LRMDA: variants seen among roughly 807,000 people sequenced by gnomAD.
The protein encoded by LRMDA is leucine-rich melanocyte differentiation-associated protein.
A neutral mutation model predicts 29.8 loss-of-function variants in LRMDA; 18 were observed. The observed-to-expected ratio is 0.60, with a 90% confidence interval of 0.42 to 0.90. The LOEUF (loss-of-function observed/expected upper bound fraction) is 0.90, where lower values mean the gene tolerates loss of function less well. LRMDA is among the 40% of genes least tolerant of loss of function. LRMDA has a pLI of 0.00. For missense variants in LRMDA, 273 were observed against 273.9 expected, an observed-to-expected ratio of 1.00 and a Z score of 0.02; for synonymous variants, 125 against 109.4, an observed-to-expected ratio of 1.14 and a Z score of -0.89.
chr10:75,815,437 C>T (rs1447781738), intron 2 of LRMDA, among the ~76,000 whole-genome samples: 1 of 152,156 alleles, frequency 6.6e-6, no homozygotes, highest in Non-Finnish European at 1.5e-5. Flanking sequence ...CTTTTGTGTA[C>T]ATGGGAGAAT....
intron 2 of LRMDA, among the ~76,000 whole-genome samples, chr10:75,722,056 G>T (rs1310390134): frequency 6.6e-6 from 1 of 152,080 alleles, no homozygotes; most frequent in African/African-American, 2.4e-5. Flanking sequence ...CCAAATCCCA[G>T]GTTCCTAATA....
At chr10:75,486,647 G>T (rs148202379) in intron 2 of LRMDA, among the ~76,000 whole-genome samples, 16 of 152,002 alleles carry the variant, frequency 1.1e-4, no homozygotes, top group Admixed American at 5.2e-4. Context: ...TTCTGGTCTG[G>T]GGGGGGCAAC....
At chr10:76,396,573 G>A (rs1841786638) in intron 6 of LRMDA, 1 of 152,206 alleles carries the variant, frequency 6.6e-6, no homozygotes, top group Admixed American at 6.5e-5. Flanking sequence ...AGATGTCAGT[G>A]ACCTGGAAAG....
At chr10:75,884,545 C>G (rs1030099707) in intron 2 of LRMDA, among the ~76,000 whole-genome samples, 14 of 152,150 alleles carry the variant, frequency 9.2e-5, no homozygotes, top group Non-Finnish European at 1.8e-4. Flanking sequence ...ACTAAGATGA[C>G]TTGGAGCCAA....
chr10:75,440,644 G>A (rs1359327176), intron 2 of LRMDA, among the ~76,000 whole-genome samples: 3 of 152,134 alleles, frequency 2.0e-5, no homozygotes, highest in African/African-American at 2.4e-5. Flanking sequence ...GGTGTTAGAA[G>A]AAGATTCGAG....
intron 6 of LRMDA, among the ~76,000 whole-genome samples, chr10:76,538,962 G>A (rs1291559935): frequency 6.6e-6 from 1 of 151,974 alleles, no homozygotes; most frequent in Non-Finnish European, 1.5e-5. Context: ...GTGGGAGTGA[G>A]TAGCAATGAT....
In LRMDA at chr10:75,569,107, G is replaced by A. The variant is rs370782482; in HGVS notation, c.131+130613G>A. 2.0e-5 allele frequency among the ~76,000 whole-genome samples: 3 copies of A among 152,092 alleles called. No individual in the cohort carries two copies. In the East Asian group the frequency reaches 5.8e-4, roughly 29 times the overall value. ...CTTGAGGGCACGTCTCTTCTCTGTGGGGCCTCTCCTGGCATATGCCCACAA... is the reference window on the plus strand; with the variant it reads ...CTTGAGGGCACGTCTCTTCTCTGTGAGGCCTCTCCTGGCATATGCCCACAA... On this transcript the variant is annotated intron_variant, in intron 2 of 6. Transcript: ENST00000611255.
chr10:75,563,322 T>C (rs1261489219), intron 2 of LRMDA, among the ~76,000 whole-genome samples: 1 of 152,158 alleles, frequency 6.6e-6, no homozygotes, highest in Non-Finnish European at 1.5e-5. Flanking sequence ...TTGATTGCAT[T>C]GGCTCCTGAG....
intron 2 of LRMDA, among the ~76,000 whole-genome samples, chr10:75,501,372 G>C (rs904845638): frequency 1.3e-5 from 2 of 152,232 alleles, no homozygotes; most frequent in African/African-American, 2.4e-5. Flanking sequence ...CACTTTCCTG[G>C]TGTGTGTTTA....
At position 76,190,970 on chromosome 10, in the gene LRMDA, G is replaced by A. The variant is rs558099718; in HGVS notation, c.516+132187G>A. On this transcript the variant is annotated intron_variant, in intron 5 of 6. Transcript: ENST00000611255. The stretch of plus-strand genomic sequence containing the variant: ...TTTGGTGAACACATAATTGTTGTAT[G>A]TAACCCCGAGCGGCTTTGCTCTTTC... 1.6e-3 allele frequency among the ~76,000 whole-genome samples: 250 copies of A among 152,296 alleles called. 1 individual carries two copies. The Middle Eastern group carries it at 0.02, about 12-fold the overall frequency.
intron 2 of LRMDA, among the ~76,000 whole-genome samples, chr10:75,439,697 G>C (rs909226532): frequency 1.3e-5 from 2 of 152,186 alleles, no homozygotes; most frequent in African/African-American, 4.8e-5. Flanking sequence ...TACTCCCAAA[G>C]GGTTTGTGTG....
intron 2 of LRMDA, among the ~76,000 whole-genome samples, chr10:75,593,901 T>G (rs1742750542): frequency 6.6e-6 from 1 of 152,174 alleles, no homozygotes; most frequent in South Asian, 2.1e-4. Flanking sequence ...ACCCTTGACT[T>G]TTCCCGTAAA....
intron 6 of LRMDA, among the ~76,000 whole-genome samples, chr10:76,385,378 G>A (rs977750299): frequency 7.2e-5 from 11 of 152,280 alleles, no homozygotes; most frequent in South Asian, 6.2e-4. Context: ...TGTTCATAGC[G>A]TTGTTTACAG....
At chr10:76,259,895 C>T (rs1387301761) in intron 5 of LRMDA, among the ~76,000 whole-genome samples, 2 of 152,030 alleles carry the variant, frequency 1.3e-5, no homozygotes, top group African/African-American at 4.8e-5. Context: ...AGTGTAGCTA[C>T]TTATGCTTGC....
At chr10:75,935,107 T>G (rs1474193333) in intron 2 of LRMDA, among the ~76,000 whole-genome samples, 1 of 152,108 alleles carries the variant, frequency 6.6e-6, no homozygotes, top group Non-Finnish European at 1.5e-5. Context: ...ACAAGAATCC[T>G]TTTTCTTTCC....
chr10:76,232,738 G>A lies in LRMDA; in HGVS notation c.517-91663G>A, dbSNP rs182757112. ...AAATAAGGATGTACTGACAATGGAAGAGTGAGCCAGATGGGGAGTTTTATT... is the reference window on the plus strand; with the variant it reads ...AAATAAGGATGTACTGACAATGGAAAAGTGAGCCAGATGGGGAGTTTTATT... On this transcript the variant is annotated intron_variant, in intron 5 of 6. Transcript: ENST00000611255. 1.2e-3 allele frequency among the ~76,000 whole-genome samples: 188 copies of A among 152,304 alleles called. 1 individual carries two copies. Among genetic ancestry groups the A allele is most frequent in the African/African-American group, 4.0e-3 (168 of 41,570 alleles).
chr10:76,316,660 A>G (rs1840703399), intron 5 of LRMDA, among the ~76,000 whole-genome samples: 1 of 152,226 alleles, frequency 6.6e-6, no homozygotes, highest in Non-Finnish European at 1.5e-5. Flanking sequence ...TGTTTATAAA[A>G]TGCCTGCATA....
At position 76,408,071 on chromosome 10, in the gene LRMDA, C is replaced by CT. The variant is rs575102468; in HGVS notation, c.601+83591dup. Among the ~76,000 whole-genome samples, 20 of 152,294 alleles carry CT rather than the reference C, an allele frequency of 1.3e-4. No individual in the cohort carries two copies. In the East Asian group the frequency reaches 3.9e-3, roughly 29 times the overall value. On this transcript the variant is annotated intron_variant, in intron 6 of 6. Transcript: ENST00000611255. ...GTGTTATCTCAACTAACACTTACTG[C>CT]TTTTTATTATATTCAGCACCTGTAA...
chr10:75,897,526 A>T (rs1342464540), intron 2 of LRMDA, among the ~76,000 whole-genome samples: 1 of 152,172 alleles, frequency 6.6e-6, no homozygotes, highest in Non-Finnish European at 1.5e-5. Context: ...TCTTACCTCT[A>T]CCGAACCTTA....
Sources: allele counts gnomAD v4.1 joint callset (sites outside exome capture counted in the v4.1 genomes callset), GRCh38; gene constraint gnomAD v4.1.1; transcripts MANE v1.5; gene names NCBI Gene and HGNC (gene_info 2026-07-23, HGNC 2026-07-21).